CATSPERG: variants seen among roughly 807,000 people sequenced by gnomAD.
CATSPERG encodes the protein catsper channel auxiliary subunit gamma.
CATSPERG carries 115 observed loss-of-function variants against 145.0 expected under a neutral mutation model. The ratio of observed to expected loss-of-function variants is 0.79; its 90% CI spans 0.68 to 0.93. The LOEUF (loss-of-function observed/expected upper bound fraction) is 0.93. CATSPERG is among the 40% of genes least tolerant of loss of function. The pLI is 0.00. For missense variants in CATSPERG, 1,296 were observed against 1,490.1 expected (o/e 0.87, Z 2.14); for synonymous variants, 588 against 589.0 (o/e 1.00, Z 0.02).
chr19:38,360,487 A>T lies in CATSPERG; in HGVS notation c.1609-2A>T, dbSNP rs1970325013. On this transcript the variant is annotated splice_acceptor_variant, in intron 14 of 28. Transcript: ENST00000409235. LOFTEE classifies it high-confidence loss of function. ...ACACACATCCGGCTGTCATACCCGC[A>T]GATCTGGTACCTCCTGGAGGGCAGC... 8 of 1,614,002 alleles carry T rather than the reference A, an allele frequency of 5.0e-6. No homozygotes were observed. The highest frequency in any genetic ancestry group is 6.8e-6 in the Non-Finnish European group (8 of 1,179,992).
In CATSPERG at chr19:38,356,752, C is replaced by T; in HGVS notation, c.1206C>T (p.Cys402=). ...CCCTTTCCCTCTCAGTTACCACCTG[C>T]TCCATAATTTGGTCTGAATACATCG... The part of the protein sequence containing the change: ...SVCEQIGVTT[C]SIIWSEYIAG... Residue 402 remains cysteine (C), a synonymous_variant, in exon 11 of 29, where the codon TGC becomes TGT. Coordinates refer to ENST00000409235, the MANE Select transcript of CATSPERG (RefSeq NM_021185.5). The T allele has an allele frequency of 6.2e-7, 1 of 1,614,156 alleles. No homozygotes were observed. Among genetic ancestry groups the T allele is most frequent in the Non-Finnish European group, 8.5e-7 (1 of 1,180,010 alleles).
chr19:38,370,657 C>T lies in CATSPERG; in HGVS notation c.3345C>T (p.Tyr1115=). ...ACCTCATTGCCTCAGAATCCTACTACACCTACGCCTCCATTTCCGGAATCT... is the reference window on the plus strand; with the variant it reads ...ACCTCATTGCCTCAGAATCCTACTATACCTACGCCTCCATTTCCGGAATCT... ...INNLIASESY[Y]TYASISGISS... Residue 1115 remains tyrosine (Y), a synonymous_variant, in exon 29 of 29, where the codon TAC becomes TAT. Coordinates refer to ENST00000409235, the MANE Select transcript of CATSPERG (RefSeq NM_021185.5). The T allele has an allele frequency of 3.7e-6, 6 of 1,614,152 alleles. No homozygotes were observed. The highest frequency in any genetic ancestry group is 3.3e-5 in the South Asian group (3 of 91,070).
chr19:38,368,551 T>A (rs1483292781), intron 26 of CATSPERG, among the ~76,000 whole-genome samples: 2 of 152,216 alleles, frequency 1.3e-5, no homozygotes, highest in Admixed American at 6.5e-5. Flanking sequence ...TAAATTTGTT[T>A]TTATTTTTGA....
At chr19:38,365,331 G>A in intron 22 of CATSPERG, 1 of 547,970 alleles carries the variant, frequency 1.8e-6, no homozygotes, top group Non-Finnish European at 3.3e-6. Flanking sequence ...AGGCTGGAGT[G>A]CGGCGGCGCG....
intron 22 of CATSPERG, chr19:38,366,936 A>G (rs58462889): frequency 0.078 from 42,514 of 544,134 alleles, 2,943 homozygotes; most frequent in East Asian, 0.31. Context: ...TCAAGTGATC[A>G]GCCCGCCTCG....
In CATSPERG at chr19:38,358,460, A is replaced by G; in HGVS notation, c.1395A>G (p.Leu465=). 1 of 1,614,152 alleles carries G rather than the reference A, an allele frequency of 6.2e-7. No homozygotes were observed. The highest frequency in any genetic ancestry group is 1.3e-5 in the African/African-American group (1 of 75,036). The change falls in exon 13 of 29, where the codon CTA becomes CTG. Residue 465 remains leucine (L), a synonymous_variant. Transcript: ENST00000409235. ...EARGLEFLMI[L]GTESYTSTAM... is the part of the protein sequence containing the mutation. Reference sequence around the variant, plus strand: ...GAGGATTGGAGTTCCTGATGATCCTAGGGACAGAGTCCTACACCAGCACTG... The same window carrying G: ...GAGGATTGGAGTTCCTGATGATCCTGGGGACAGAGTCCTACACCAGCACTG...
At chr19:38,347,251 G>A (rs960910740) in intron 7 of CATSPERG, among the ~76,000 whole-genome samples, 20 of 152,234 alleles carry the variant, frequency 1.3e-4, no homozygotes, top group Middle Eastern at 3.4e-3. Flanking sequence ...GGTAGTGGGC[G>A]CCTGTAATCC....
At chr19:38,354,994 T>C (rs1332373945) in intron 9 of CATSPERG, 147 bp downstream of exon 9, 8 of 916,026 alleles carry the variant, frequency 8.7e-6, no homozygotes, top group Non-Finnish European at 9.9e-6. Context: ...GAGGGATGCG[T>C]TTGTAGGGGT....
intron 1 of CATSPERG, chr19:38,336,993 G>A (rs1969850079): frequency 1.7e-6 from 1 of 592,662 alleles, no homozygotes; most frequent in Admixed American, 3.0e-5. Flanking sequence ...AAGTGCAGAG[G>A]CGGAGCCAGG....
In CATSPERG at chr19:38,344,856, GACACAC is replaced by G. The variant is rs34101460; in HGVS notation, c.669+510_669+515del. 3.6e-3 allele frequency among the ~76,000 whole-genome samples: 337 copies of G among 92,348 alleles called. 26 individuals are homozygous for G. The East Asian group carries it at 0.044, about 12-fold the overall frequency. The allele number at this position is 92,348 out of a possible 152,430, so 60.6% of individuals were successfully genotyped here. ...ATATGTATATACCTGTACATGAACA[GACACAC>G]ACACACACACACACACACACATATA... is the stretch of plus-strand genomic sequence containing the variant. On this transcript the variant is annotated intron_variant, in intron 6 of 28. Coordinates refer to ENST00000409235, the MANE Select transcript of CATSPERG (RefSeq NM_021185.5).
chr19:38,353,957 CT>C (rs1356399039), intron 8 of CATSPERG, among the ~76,000 whole-genome samples: 8 of 138,230 alleles, frequency 5.8e-5, no homozygotes, highest in Admixed American at 7.7e-5. Context: ...TGCCACTGCA[CT>C]CCAGCCTGGG....
intron 3 of CATSPERG, among the ~76,000 whole-genome samples, chr19:38,339,685 C>G (rs1829147633): frequency 6.6e-6 from 1 of 151,822 alleles, no homozygotes. Context: ...TTTACAAAGG[C>G]CTTGCGTAAC....
intron 25 of CATSPERG, 97 bp downstream of exon 25, chr19:38,367,873 C>A: frequency 8.0e-7 from 1 of 1,252,758 alleles, no homozygotes; most frequent in Non-Finnish European, 1.2e-6. Flanking sequence ...CCCACCTCTG[C>A]GTCTCAGGCC....
At position 38,359,582 on chromosome 19, in the gene CATSPERG, G is replaced by A; in HGVS notation, c.1608+1G>A. On this transcript the variant is annotated splice_donor_variant, in intron 14 of 28. Coordinates refer to ENST00000409235, the MANE Select transcript of CATSPERG (RefSeq NM_021185.5). LOFTEE classifies it high-confidence loss of function. ...GGCTATTGTCACAGAGACGGAGGAG[G>A]TGGGCTGCCCCGCCCCTCTCCCCGT... 1 of 1,610,728 alleles carries A rather than the reference G, an allele frequency of 6.2e-7. No individual in the cohort carries two copies. Among genetic ancestry groups the A allele is most frequent in the East Asian group, 2.2e-5 (1 of 44,798 alleles).
intron 13 of CATSPERG, among the ~76,000 whole-genome samples, chr19:38,358,841 GTTTTTTTTTGTT>G (rs545804581): frequency 1.3e-5 from 2 of 150,716 alleles, no homozygotes; most frequent in African/African-American, 4.9e-5. Flanking sequence ...AGTTTCTAGG[GTTTTTTTTTGTT>G]TTTGTTTTTG....
chr19:38,347,531 G>A (rs1230226578), intron 7 of CATSPERG, among the ~76,000 whole-genome samples: 12 of 152,236 alleles, frequency 7.9e-5, no homozygotes. Flanking sequence ...TCCCAGAATA[G>A]GGAGGGAGTG....
chr19:38,340,894 GA>G lies in CATSPERG; in HGVS notation c.325-2685del, dbSNP rs368220881. 7.6e-4 allele frequency among the ~76,000 whole-genome samples: 101 copies of G among 133,512 alleles called. 1 individual carries two copies. Among genetic ancestry groups the G allele is most frequent in the African/African-American group, 1.2e-3 (43 of 37,350 alleles). 87.6% of individuals were successfully genotyped at this position (133,512 alleles called of 152,430 possible). A position where few individuals can be genotyped will look rare whatever the true frequency, so the allele number is the denominator to read the frequency against. On this transcript the variant is annotated intron_variant, in intron 3 of 28. Coordinates refer to ENST00000409235, the MANE Select transcript of CATSPERG (RefSeq NM_021185.5). ...TAAAATGAGGTAATACGTTAGAAAGGAGGGGGGGGCACTGTTTTAGTGGGGG... is the reference window on the plus strand; with the variant it reads ...TAAAATGAGGTAATACGTTAGAAAGGGGGGGGGGCACTGTTTTAGTGGGGG...
At chr19:38,359,384 A>G in intron 13 of CATSPERG, 86 bp from the exon 14 acceptor site, 3 of 817,010 alleles carry the variant, frequency 3.7e-6, no homozygotes, top group Admixed American at 1.8e-5. Flanking sequence ...GTGGAGAAAC[A>G]GTAAGTGGCT....
chr19:38,362,031 G>A, intron 17 of CATSPERG, 170 bp downstream of exon 17: 1 of 926,956 alleles, frequency 1.1e-6, no homozygotes, highest in East Asian at 2.6e-5. Flanking sequence ...GACTTCCAGG[G>A]GAAGGCGTTG....
Sources: allele counts gnomAD v4.1 joint callset (sites outside exome capture counted in the v4.1 genomes callset), GRCh38; gene constraint gnomAD v4.1.1; transcripts MANE v1.5; gene names NCBI Gene and HGNC (gene_info 2026-07-23, HGNC 2026-07-21).